Variants in CSNK1G2 observed in about 807,000 individuals in gnomAD.
The protein encoded by CSNK1G2 is casein kinase 1 gamma 2.
In CSNK1G2, 11 loss-of-function variants were observed where a neutral mutation model predicts 48.0. The observed-to-expected ratio is 0.23, with a 90% CI of 0.14 to 0.38. The LOEUF (loss-of-function observed/expected upper bound fraction) is 0.38, where lower values mean the gene tolerates loss of function less well. CSNK1G2 is among the 10% of genes least tolerant of loss of function. The pLI is 1.00. For missense variants in CSNK1G2, 446 were observed against 595.5 expected (o/e 0.75, Z 2.61); for synonymous variants, 337 against 254.1 (o/e 1.33, Z -3.10).
chr19:1,975,811 G>A (rs1371079143), intron 2 of CSNK1G2: 5 of 970,674 alleles, frequency 5.2e-6, no homozygotes, highest in South Asian at 4.8e-5. Flanking sequence ...TGATGTGGGC[G>A]GATCACCTGA....
chr19:1,971,121 G>A (rs2015554095), intron 2 of CSNK1G2, among the ~76,000 whole-genome samples: 1 of 152,160 alleles, frequency 6.6e-6, no homozygotes, highest in Non-Finnish European at 1.5e-5. Flanking sequence ...GCCACTCGTG[G>A]GCAGAAGGGT....
chr19:1,978,241 G>A lies in CSNK1G2; in HGVS notation c.188-64G>A, dbSNP rs1360019132. On this transcript the variant is annotated intron_variant, in intron 2 of 11. Transcript: ENST00000255641. The surrounding 1 kb of genome is among the most constrained non-coding windows in gnomAD (Gnocchi z 7.3). ...CCTCCTGCCTCCTGCCTCGGGGGTG[G>A]GCTGGGGAGGTCGGGGCTAGGTGGG... The A allele has an allele frequency of 1.3e-6, 2 of 1,577,578 alleles. No homozygotes were observed. Among genetic ancestry groups the A allele is most frequent in the South Asian group, 1.1e-5 (1 of 90,320 alleles).
At chr19:1,974,228 C>T (rs977218640) in intron 2 of CSNK1G2, among the ~76,000 whole-genome samples, 16 of 152,146 alleles carry the variant, frequency 1.1e-4, no homozygotes, top group Admixed American at 2.0e-4. Context: ...ATGGGCTCAC[C>T]GTTCTGGAGG....
chr19:1,979,321 C>A lies in CSNK1G2; in HGVS notation c.771C>A (p.Ala257=). The A allele has an allele frequency of 3.7e-6, 6 of 1,600,400 alleles. No individual in the cohort carries two copies. Among genetic ancestry groups the A allele is most frequent in the Non-Finnish European group, 4.3e-6 (5 of 1,174,864 alleles). Residue 257 remains alanine (A), a splice_region_variant and synonymous_variant, in exon 8 of 12, where the codon GCC becomes GCA. Coordinates refer to ENST00000255641, the MANE Select transcript of CSNK1G2 (RefSeq NM_001319.7). ...RGSLPWQGLK[A]DTLKERYQKI... is the part of the protein sequence containing the mutation. ...AGGCTGACCACAGACCCCCGCAGGC[C>A]GACACGCTCAAGGAGCGGTACCAGA...
chr19:1,956,392 C>A (rs1253674774), intron 1 of CSNK1G2, among the ~76,000 whole-genome samples: 5 of 152,208 alleles, frequency 3.3e-5, no homozygotes, highest in Admixed American at 3.3e-4. Flanking sequence ...TGCCTCATGC[C>A]TGTGGTCCCA....
chr19:1,941,574 C>T (rs1198635149), intron 1 of CSNK1G2, among the ~76,000 whole-genome samples, 156 bp downstream of exon 1: 4 of 145,064 alleles, frequency 2.8e-5, no homozygotes, highest in Non-Finnish European at 3.1e-5. Flanking sequence ...CCCCCCAACC[C>T]GTCTAACCGC....
At chr19:1,980,044 G>A (rs2015926914) in intron 11 of CSNK1G2, 27 bp downstream of exon 11, 2 of 1,582,684 alleles carry the variant, frequency 1.3e-6, no homozygotes, top group African/African-American at 1.4e-5. Context: ...GTGCCTTCGG[G>A]GAGGTGGGGG....
At position 1,979,315 on chromosome 19, in the gene CSNK1G2, G is replaced by A. The variant is rs374546538; in HGVS notation, c.769-4G>A. 8.1e-6 allele frequency: 13 copies of A among 1,597,852 alleles called. No homozygotes were observed. The highest frequency in any genetic ancestry group is 6.8e-5 in the East Asian group (3 of 44,160). On this transcript the variant is annotated splice_polypyrimidine_tract_variant and splice_region_variant and intron_variant, in intron 7 of 11. Transcript: ENST00000255641. ...GGAGCAAGGCTGACCACAGACCCCC[G>A]CAGGCCGACACGCTCAAGGAGCGGT...
chr19:1,979,113 C>CG lies in CSNK1G2; in HGVS notation c.682+26dup. The CG allele has an allele frequency of 6.3e-6, 10 of 1,578,050 alleles. No individual in the cohort carries two copies. Among genetic ancestry groups the CG allele is most frequent in the Admixed American group, 1.8e-5 (1 of 55,070 alleles). ...GCAAGGGTGAGCTGCGCGCGCGCGG[C>CG]GGGGGGCGGGCGCCCGGACCCCGCT... On this transcript the variant is annotated intron_variant, in intron 6 of 11. Coordinates refer to ENST00000255641, the MANE Select transcript of CSNK1G2 (RefSeq NM_001319.7).
intron 2 of CSNK1G2, among the ~76,000 whole-genome samples, chr19:1,973,027 G>A (rs549918931): frequency 6.1e-5 from 9 of 146,992 alleles, no homozygotes; most frequent in Admixed American, 4.8e-4. Context: ...TCCCAGGTTC[G>A]TGCCATTCTC....
intron 1 of CSNK1G2, among the ~76,000 whole-genome samples, chr19:1,959,455 C>T (rs1423866445): frequency 5.3e-5 from 8 of 152,222 alleles, no homozygotes; most frequent in African/African-American, 1.9e-4. Flanking sequence ...CTACAGGCTG[C>T]GGCTGAGCCC....
At position 1,979,781 on chromosome 19, in the gene CSNK1G2, C is replaced by T. The variant is rs767159354; in HGVS notation, c.1032C>T (p.Asp344=). ...LPTPIGTVHT[D]LPSQPQLRDK... ...CCCCCATCGGCACCGTCCACACCGA[C>T]CTGCCCTCCCAGCCTCAGCTCCGGG... Residue 344 remains aspartate, a synonymous_variant, in exon 10 of 12, where the codon GAC becomes GAT. Coordinates refer to ENST00000255641, the MANE Select transcript of CSNK1G2 (RefSeq NM_001319.7). 14 of 1,607,310 alleles carry T rather than the reference C, an allele frequency of 8.7e-6. 1 individual carries two copies. In the South Asian group the frequency reaches 1.3e-4, roughly 15 times the overall value.
Position 1,978,426 on chromosome 19 carries a change from G to A in CSNK1G2, c.229-16G>A, listed in dbSNP as rs1176596110. ...CAGCGACCCGGTCCCCTGGTGACTC[G>A]CTCTTGTGCCCCCAGGAGCCGATCA... On this transcript the variant is annotated splice_polypyrimidine_tract_variant and intron_variant, in intron 3 of 11. Coordinates refer to ENST00000255641, the MANE Select transcript of CSNK1G2 (RefSeq NM_001319.7). This position sits in a 1 kb window ranked among gnomAD's most constrained non-coding sequence, Gnocchi z 7.3. The A allele has an allele frequency of 1.9e-6, 3 of 1,610,972 alleles. No homozygotes were observed. The highest frequency in any genetic ancestry group is 8.5e-7 in the Non-Finnish European group (1 of 1,179,212).
rs2015499142 is a variant in CSNK1G2 at position 1,969,712 on chromosome 19, A to G, written c.-61A>G. 3 of 1,229,012 alleles carry G rather than the reference A, an allele frequency of 2.4e-6. No homozygotes were observed. Among genetic ancestry groups the G allele is most frequent in the South Asian group, 8.4e-5 (2 of 23,930 alleles). 76.1% of individuals were successfully genotyped at this position (1,229,012 alleles called of 1,614,324 possible). A position where few individuals can be genotyped will look rare whatever the true frequency, so the allele number is the denominator to read the frequency against. On this transcript the variant is annotated 5_prime_UTR_variant, in exon 2 of 12. Transcript: ENST00000255641. Reference sequence around the variant, plus strand: ...AGAGGAGCCAAGACCTCAGGTTTCCAGAGACTTGGGATTTGCACGGCAGCA... The same window carrying G: ...AGAGGAGCCAAGACCTCAGGTTTCCGGAGACTTGGGATTTGCACGGCAGCA...
rs2015733932 is a variant in CSNK1G2 at position 1,975,828 on chromosome 19, G to A, written c.188-2477G>A. 2 of 945,744 alleles carry A rather than the reference G, an allele frequency of 2.1e-6. 1 individual carries two copies. Among genetic ancestry groups the A allele is most frequent in the Admixed American group, 1.2e-4 (2 of 16,206 alleles). 58.6% of individuals were successfully genotyped at this position (945,744 alleles called of 1,614,324 possible). A position where few individuals can be genotyped will look rare whatever the true frequency, so the allele number is the denominator to read the frequency against. ...ATGTGGGCGGATCACCTGACGTCAGGAGTTCGAGACCAGCCTGGACAACAT... is the reference window on the plus strand; with the variant it reads ...ATGTGGGCGGATCACCTGACGTCAGAAGTTCGAGACCAGCCTGGACAACAT... On this transcript the variant is annotated intron_variant, in intron 2 of 11. Coordinates refer to ENST00000255641, the MANE Select transcript of CSNK1G2 (RefSeq NM_001319.7).
intron 1 of CSNK1G2, chr19:1,954,117 G>C (rs1599292674): frequency 5.0e-6 from 2 of 403,126 alleles, no homozygotes; most frequent in East Asian, 6.2e-5. Flanking sequence ...TTTCTCTTTT[G>C]CACCTGATGC....
At chr19:1,975,002 C>T (rs1599327340) in intron 2 of CSNK1G2, 1 of 936,626 alleles carries the variant, frequency 1.1e-6, no homozygotes, top group Non-Finnish European at 1.3e-6. Flanking sequence ...CAGGAGTCTG[C>T]AGATCCACAG....
intron 1 of CSNK1G2, among the ~76,000 whole-genome samples, chr19:1,964,391 C>T (rs1300579578): frequency 6.6e-6 from 1 of 152,000 alleles, no homozygotes; most frequent in African/African-American, 2.4e-5. Context: ...AAGGTCACTG[C>T]TGGAGGTGGC....
At chr19:1,980,103 C>G (rs1409251839) in intron 11 of CSNK1G2, 46 bp from the exon 12 acceptor site, 2 of 1,610,428 alleles carry the variant, frequency 1.2e-6, no homozygotes, top group Non-Finnish European at 1.7e-6. Context: ...TGGGCTGCCC[C>G]CGCCCTGCAC....
Sources: gnomAD v4.1 joint callset for allele counts (sites outside exome capture counted in the v4.1 genomes callset) on GRCh38, gnomAD v4.1.1 for gene constraint, Gnocchi (gnomAD v3.1) non-coding constraint, MANE v1.5 for transcripts, NCBI Gene and HGNC (gene_info 2026-07-23, HGNC 2026-07-21) for gene names.